Variants in EPB41L4A observed in about 807,000 individuals in gnomAD.
The protein encoded by EPB41L4A is erythrocyte membrane protein band 4.1 like 4A, also known as band 4.1-like protein 4A.
EPB41L4A carries 100 observed loss-of-function variants against 108.6 expected under a neutral mutation model. That is an observed-to-expected ratio of 0.92 (90% CI 0.78 to 1.09). The LOEUF (loss-of-function observed/expected upper bound fraction) is 1.09. EPB41L4A is among the 50% of genes least tolerant of loss of function. The pLI is 0.00. For synonymous variants in EPB41L4A, 319 were observed against 289.0 expected (o/e 1.10, Z -1.05); for missense variants, 1,030 against 842.7 (o/e 1.22, Z -2.75).
In EPB41L4A at chr5:112,209,972, G is replaced by T; in HGVS notation, c.1098C>A (p.Ser366Arg). 1 of 1,586,496 alleles carries T rather than the reference G, an allele frequency of 6.3e-7. No individual in the cohort carries two copies. The highest frequency in any genetic ancestry group is 1.1e-5 in the South Asian group (1 of 89,718). Residue 366 changes from serine (S) to arginine (R), a missense_variant, in exon 13 of 23, where the codon AGC becomes AGA. Ser to Arg is a moderately radical substitution (Grantham distance 110). Coordinates refer to ENST00000261486, the MANE Select transcript of EPB41L4A (RefSeq NM_022140.5). ...CCATGTTTGCAGTTATCCTACTGAT[G>T]CTGTTTGATTCTAGCAGAGGAGGAG... The part of the protein sequence containing the change: ...IAQTQPAESN[S>R]ISRITANMEN...
chr5:112,410,776 A>G (rs1209930736), intron 1 of EPB41L4A, among the ~76,000 whole-genome samples: 1 of 152,178 alleles, frequency 6.6e-6, no homozygotes, highest in African/African-American at 2.4e-5. Context: ...AAAAGACTCA[A>G]GGGAAGTCTG....
At chr5:112,383,188 A>G (rs1227971592) in intron 1 of EPB41L4A, among the ~76,000 whole-genome samples, 1 of 152,226 alleles carries the variant, frequency 6.6e-6, no homozygotes, top group Non-Finnish European at 1.5e-5. Context: ...AGGCTGGGGA[A>G]CTTGGAATAG....
At chr5:112,283,957 A>G (rs10051088) in intron 2 of EPB41L4A, among the ~76,000 whole-genome samples, 26,527 of 152,234 alleles carry the variant, frequency 0.17, 2,533 homozygotes, top group East Asian at 0.36. Context: ...CTCAAAATAC[A>G]TAAATGGGAG....
At position 112,234,703 on chromosome 5, in the gene EPB41L4A, G is replaced by C. The variant is rs200139281; in HGVS notation, c.1018C>G (p.Pro340Ala). ...SRDLSIQLPR[P>A]DQNVTRSRSK... ...CGACTTCTTGTCACATTCTGATCAG[G>C]CCGGGGAAGCTGAATAGAAAGATCT... Residue 340 changes from proline (P) to alanine (A), a missense_variant, in exon 12 of 23, where the codon CCT becomes GCT. Pro to Ala is a conservative substitution (Grantham distance 27). Transcript: ENST00000261486. 1 of 1,613,482 alleles carries C rather than the reference G, an allele frequency of 6.2e-7. No homozygotes were observed. Among genetic ancestry groups the C allele is most frequent in the Non-Finnish European group, 8.5e-7 (1 of 1,179,574 alleles).
At chr5:112,349,645 T>C (rs1204539063) in intron 1 of EPB41L4A, among the ~76,000 whole-genome samples, 3 of 152,172 alleles carry the variant, frequency 2.0e-5, no homozygotes, top group East Asian at 3.9e-4. Context: ...AAGCAGAGAA[T>C]GTAAATGGAT....
chr5:112,234,816 C>T (rs1749213779), intron 11 of EPB41L4A, 61 bp from the exon 12 acceptor site: 1 of 1,538,688 alleles, frequency 6.5e-7, no homozygotes, highest in Non-Finnish European at 8.8e-7. Context: ...AATTAAACAA[C>T]AGGTCATTCA....
chr5:112,227,339 T>C (rs1263530869), intron 12 of EPB41L4A, among the ~76,000 whole-genome samples: 2 of 152,154 alleles, frequency 1.3e-5, no homozygotes, highest in Admixed American at 1.3e-4. Context: ...ACAGCGAATA[T>C]ACCTCAGACA....
intron 2 of EPB41L4A, among the ~76,000 whole-genome samples, chr5:112,281,051 C>G (rs756741238): frequency 2.6e-5 from 4 of 152,118 alleles, no homozygotes; most frequent in Non-Finnish European, 5.9e-5. Flanking sequence ...TCTGACTCTC[C>G]CCATGTCATT....
rs755584888 is a variant in EPB41L4A at position 112,163,782 on chromosome 5, A to T, written c.*1208T>A. ...GTGGTTGTGAAAGATAGTTTTGTTT[A>T]ATCTTAGTCTTAAATTTAAAACCAA... On this transcript the variant is annotated 3_prime_UTR_variant, in exon 23 of 23. Coordinates refer to ENST00000261486, the MANE Select transcript of EPB41L4A (RefSeq NM_022140.5). 2.6e-5 allele frequency: 4 copies of T among 152,172 alleles called. No individual in the cohort carries two copies. The highest frequency in any genetic ancestry group is 7.2e-5 in the African/African-American group (3 of 41,432). The allele number at this position is 152,172 out of a possible 1,614,324, so 9.4% of individuals were successfully genotyped here. A position where few individuals can be genotyped will look rare whatever the true frequency, so the allele number is the denominator to read the frequency against.
chr5:112,200,064 A>T (rs4958013), intron 15 of EPB41L4A, among the ~76,000 whole-genome samples: 1 of 151,670 alleles, frequency 6.6e-6, no homozygotes. Flanking sequence ...GGGCTGTAAG[A>T]TCAGATCCCA....
At chr5:112,280,394 G>T in intron 2 of EPB41L4A, 71 bp from the exon 3 acceptor site, 1 of 1,383,922 alleles carries the variant, frequency 7.2e-7, no homozygotes, top group Non-Finnish European at 1.0e-6. Context: ...AAGAATATTT[G>T]CAAAATGTTA....
chr5:112,213,216 T>C (rs929154254), intron 12 of EPB41L4A, among the ~76,000 whole-genome samples: 5 of 152,214 alleles, frequency 3.3e-5, no homozygotes, highest in Non-Finnish European at 7.3e-5. Context: ...AATTTACTAA[T>C]GTGACAGTGC....
chr5:112,376,070 C>A (rs1759800688), intron 1 of EPB41L4A, among the ~76,000 whole-genome samples: 1 of 152,040 alleles, frequency 6.6e-6, no homozygotes, highest in Non-Finnish European at 1.5e-5. Flanking sequence ...AAGCAAAAAC[C>A]CTAGGAAGAG....
chr5:112,202,561 G>A lies in EPB41L4A; in HGVS notation c.1376+1814C>T, dbSNP rs76074075. ...AGAGCAAGCACTTTGCTCAGTACTT[G>A]GAATATGGCAATACCAAACAAATGC... On this transcript the variant is annotated intron_variant, in intron 15 of 22. Coordinates refer to ENST00000261486, the MANE Select transcript of EPB41L4A (RefSeq NM_022140.5). 6.5e-3 allele frequency among the ~76,000 whole-genome samples: 983 copies of A among 152,150 alleles called. 12 individuals carry two copies. Among genetic ancestry groups the A allele is most frequent in the African/African-American group, 0.022 (922 of 41,508 alleles).
chr5:112,345,930 G>C (rs903961662), intron 1 of EPB41L4A, among the ~76,000 whole-genome samples: 2 of 151,838 alleles, frequency 1.3e-5, no homozygotes, highest in African/African-American at 2.4e-5. Context: ...AATTTAGGTA[G>C]TTTTGATATT....
chr5:112,383,528 C>G (rs974250281), intron 1 of EPB41L4A, among the ~76,000 whole-genome samples: 1 of 152,050 alleles, frequency 6.6e-6, no homozygotes, highest in Non-Finnish European at 1.5e-5. Context: ...AGGTTTAACA[C>G]AATCAGATTG....
chr5:112,385,769 G>A (rs10069773), intron 1 of EPB41L4A, among the ~76,000 whole-genome samples: 21,403 of 151,982 alleles, frequency 0.14, 4,225 homozygotes, highest in African/African-American at 0.44. Flanking sequence ...TTTTACATGC[G>A]TATTTGTACC....
chr5:112,171,541 G>A (rs945865665), intron 18 of EPB41L4A, among the ~76,000 whole-genome samples: 1 of 152,190 alleles, frequency 6.6e-6, no homozygotes, highest in African/African-American at 2.4e-5. Context: ...ACTATCAGTG[G>A]CCTTGGCTCA....
At chr5:112,192,655 A>G (rs1363922413) in intron 17 of EPB41L4A, among the ~76,000 whole-genome samples, 1 of 152,264 alleles carries the variant, frequency 6.6e-6, no homozygotes, top group African/African-American at 2.4e-5. Flanking sequence ...AAATACCTAC[A>G]AGAAATATTA....
Sources: gnomAD v4.1 joint callset for allele counts (sites outside exome capture counted in the v4.1 genomes callset) on GRCh38, gnomAD v4.1.1 for gene constraint, MANE v1.5 for transcripts, NCBI Gene and HGNC (gene_info 2026-07-23, HGNC 2026-07-21) for gene names.